The following DEPTOR variants were observed in gnomAD, a reference collection of about 807,000 sequenced individuals.
The protein encoded by DEPTOR is DEP domain containing MTOR interacting protein, also known as DEP domain-containing mTOR-interacting protein.
DEPTOR carries 41 observed loss-of-function variants against 41.6 expected under a neutral mutation model. The ratio of observed to expected loss-of-function variants is 0.98; its 90% CI spans 0.77 to 1.28. DEPTOR has a LOEUF of 1.28. DEPTOR is among the 50% of genes most tolerant of loss of function. The probability of loss-of-function intolerance (pLI) is 0.00; values close to 1 mark genes in which losing one functional copy is unlikely to be tolerated. For missense variants in DEPTOR, 514 were observed against 527.9 expected (o/e 0.97, Z 0.26); for synonymous variants, 195 against 192.3 (o/e 1.01, Z -0.12).
At chr8:119,940,941 C>G (rs1007471558) in intron 3 of DEPTOR, among the ~76,000 whole-genome samples, 3 of 151,706 alleles carry the variant, frequency 2.0e-5, no homozygotes, top group Non-Finnish European at 4.4e-5. Context: ...TTGCTAGGAG[C>G]AGGGGAAAGG....
At chr8:119,952,232 G>T (rs1190181784) in intron 3 of DEPTOR, among the ~76,000 whole-genome samples, 1 of 152,112 alleles carries the variant, frequency 6.6e-6, no homozygotes, top group South Asian at 2.1e-4. Context: ...TCCTTAGTTG[G>T]GATATGTTCA....
intron 4 of DEPTOR, among the ~76,000 whole-genome samples, chr8:119,984,875 A>G (rs889681524): frequency 6.6e-6 from 1 of 151,832 alleles, no homozygotes; most frequent in African/African-American, 2.4e-5. Flanking sequence ...ACTAATTTAC[A>G]CTCCCACCAA....
At chr8:119,923,893 C>CTTTTCTTTTTTTTTTT (rs1554673843) in intron 1 of DEPTOR, among the ~76,000 whole-genome samples, 1 of 104,978 alleles carries the variant, frequency 9.5e-6, no homozygotes, top group Non-Finnish European at 2.2e-5. Flanking sequence ...TTTTTTCTTT[C>CTTTTCTTTTTTTTTTT]TTTTTTTTTT....
chr8:119,970,538 G>A (rs1828618570), intron 4 of DEPTOR, among the ~76,000 whole-genome samples: 2 of 152,084 alleles, frequency 1.3e-5, no homozygotes, highest in African/African-American at 2.4e-5. Flanking sequence ...ATTTAGATGC[G>A]GCTTTTTCAC....
At chr8:119,925,403 C>T (rs944418372) in intron 1 of DEPTOR, among the ~76,000 whole-genome samples, 7 of 151,652 alleles carry the variant, frequency 4.6e-5, no homozygotes, top group Admixed American at 2.0e-4. Flanking sequence ...AACAAACAAA[C>T]GAAAATAATA....
At chr8:120,012,739 T>G (rs1204172860) in intron 8 of DEPTOR, among the ~76,000 whole-genome samples, 4 of 152,050 alleles carry the variant, frequency 2.6e-5, no homozygotes, top group African/African-American at 9.7e-5. Context: ...GTTTCACCAT[T>G]TTGGCCAAGA....
chr8:119,885,320 G>A (rs1827350258), intron 1 of DEPTOR, among the ~76,000 whole-genome samples: 1 of 152,124 alleles, frequency 6.6e-6, no homozygotes, highest in Admixed American at 6.6e-5. Flanking sequence ...ATCATCTTAA[G>A]TTATATTGTG....
chr8:119,989,161 T>C (rs974581709), intron 4 of DEPTOR, among the ~76,000 whole-genome samples: 3 of 152,038 alleles, frequency 2.0e-5, no homozygotes, highest in Non-Finnish European at 4.4e-5. Flanking sequence ...TGAATATTTC[T>C]TTAAAAATTA....
rs1357465831 is a variant in DEPTOR, at chr8:120,049,864, G to A, written c.*160G>A. 1 of 748,156 alleles carries A rather than the reference G, an allele frequency of 1.3e-6. No individual in the cohort carries two copies. The highest frequency in any genetic ancestry group is 1.9e-6 in the Non-Finnish European group (1 of 520,676). 46.3% of individuals were successfully genotyped at this position (748,156 alleles called of 1,614,324 possible). A position where few individuals can be genotyped will look rare whatever the true frequency, so the allele number is the denominator to read the frequency against. Reference sequence around the variant, plus strand: ...AAGTTGAGTTTTATACACTGAATGTGGAAGAACCGGGTATCATATCTTTTT... The same window carrying A: ...AAGTTGAGTTTTATACACTGAATGTAGAAGAACCGGGTATCATATCTTTTT... On this transcript the variant is annotated 3_prime_UTR_variant, in exon 9 of 9. Transcript: ENST00000286234.
chr8:120,029,883 A>C (rs983400034), intron 8 of DEPTOR, among the ~76,000 whole-genome samples: 2 of 152,110 alleles, frequency 1.3e-5, no homozygotes, highest in African/African-American at 4.8e-5. Context: ...AATGCCAGCT[A>C]TCTGCATAAG....
chr8:119,991,596 G>A (rs1563584920), intron 4 of DEPTOR, among the ~76,000 whole-genome samples: 1 of 152,144 alleles, frequency 6.6e-6, no homozygotes, highest in East Asian at 1.9e-4. Context: ...GAGATTACAG[G>A]CATGAGCCAC....
chr8:119,963,861 T>G (rs953321295), intron 3 of DEPTOR, among the ~76,000 whole-genome samples: 2 of 152,198 alleles, frequency 1.3e-5, no homozygotes, highest in Non-Finnish European at 2.9e-5. Context: ...GAGTCACCTA[T>G]GTAGTCGTCT....
At chr8:120,005,154 G>C (rs1812413928) in intron 6 of DEPTOR, among the ~76,000 whole-genome samples, 1 of 152,100 alleles carries the variant, frequency 6.6e-6, no homozygotes, top group African/African-American at 2.4e-5. Context: ...AAATTCATAA[G>C]CCCCCTGAGG....
intron 3 of DEPTOR, among the ~76,000 whole-genome samples, chr8:119,934,406 G>A (rs1828083849): frequency 6.6e-6 from 1 of 152,202 alleles, no homozygotes; most frequent in African/African-American, 2.4e-5. Context: ...AGAGGAACTG[G>A]AGGCATGGAT....
At chr8:119,913,912 T>C (rs886275361) in intron 1 of DEPTOR, among the ~76,000 whole-genome samples, 144 of 152,300 alleles carry the variant, frequency 9.5e-4, no homozygotes, top group African/African-American at 3.3e-3. Context: ...TCCTTTCCCA[T>C]CCTTGTCCCA....
chr8:120,019,982 C>G, intron 8 of DEPTOR, among the ~76,000 whole-genome samples: 1 of 152,120 alleles, frequency 6.6e-6, no homozygotes, highest in South Asian at 2.1e-4. Context: ...TCACCTTCAC[C>G]CCGGTATCCC....
At chr8:119,887,391 T>C (rs1586598754) in intron 1 of DEPTOR, among the ~76,000 whole-genome samples, 3 of 16,608 alleles carry the variant, frequency 1.8e-4, no homozygotes, top group Non-Finnish European at 2.1e-4. Flanking sequence ...TGCACTCCTT[T>C]CCCCTCCCCC....
chr8:119,941,136 G>T (rs1453271406), intron 3 of DEPTOR, among the ~76,000 whole-genome samples: 1 of 152,086 alleles, frequency 6.6e-6, no homozygotes, highest in African/African-American at 2.4e-5. Context: ...CACTTTGGGA[G>T]GCTGAGGTGG....
intron 1 of DEPTOR, among the ~76,000 whole-genome samples, chr8:119,927,592 A>ATATATATATAAATATATATAT (rs1827979224): frequency 1.4e-5 from 2 of 146,902 alleles, no homozygotes; most frequent in African/African-American, 2.5e-5. Flanking sequence ...CATATATATT[A>ATATATATATAAATATATATAT]TATATATATA....
Sources: gnomAD v4.1 joint callset for allele counts (sites outside exome capture counted in the v4.1 genomes callset) on GRCh38, gnomAD v4.1.1 for gene constraint, MANE v1.5 for transcripts, NCBI Gene and HGNC (gene_info 2026-07-23, HGNC 2026-07-21) for gene names.